Variants in SWAP70 observed in about 807,000 individuals in gnomAD.
SWAP70 encodes switch-associated protein 70.
In SWAP70, 34 loss-of-function variants were observed where a neutral mutation model predicts 80.2. The ratio of observed to expected loss-of-function variants is 0.42; its 90% CI spans 0.32 to 0.56. The LOEUF is 0.56. Ranked by LOEUF, SWAP70 falls within the 20% of genes least tolerant of loss-of-function variation. SWAP70 has a pLI of 0.09. For synonymous variants in SWAP70, 239 were observed against 238.5 expected (o/e 1.00, Z -0.02); for missense variants, 578 against 690.7 (o/e 0.84, Z 1.83).
chr11:9,675,394 AG>A (rs1565111769), intron 1 of SWAP70, among the ~76,000 whole-genome samples: 12 of 113,696 alleles, frequency 1.1e-4, no homozygotes, highest in African/African-American at 4.3e-4. Context: ...AGAGAGAGAG[AG>A]AGAGAGAGAG....
At chr11:9,745,218 T>C (rs549592665) in intron 9 of SWAP70, among the ~76,000 whole-genome samples, 1 of 152,348 alleles carries the variant, frequency 6.6e-6, no homozygotes, top group African/African-American at 2.4e-5. Context: ...CTTTTAGCTG[T>C]GTAACTTGAG....
At chr11:9,671,786 T>TAAATATATTATA (rs202131469) in intron 1 of SWAP70, among the ~76,000 whole-genome samples, 1 of 76,684 alleles carries the variant, frequency 1.3e-5, no homozygotes, top group Non-Finnish European at 2.2e-5. Flanking sequence ...TAATATATTA[T>TAAATATATTATA]TATTTATAAA....
intron 1 of SWAP70, among the ~76,000 whole-genome samples, 192 bp downstream of exon 1, chr11:9,664,470 G>A (rs1850284684): frequency 2.0e-5 from 3 of 152,256 alleles, no homozygotes; most frequent in African/African-American, 7.2e-5. Flanking sequence ...TTGCCTTCGG[G>A]CCATGCCCTC....
Position 9,729,345 on chromosome 11 carries a change from CT to C in SWAP70, c.794del (p.Leu265CysfsTer13). On this transcript the variant is annotated frameshift_variant, in exon 6 of 12. Transcript: ENST00000318950. LOFTEE classifies it high-confidence loss of function. The stretch of plus-strand genomic sequence containing the variant: ...ACTAATTTTGCTTTCTGTTTTAGTC[CT>C]TGCCTGACAAAGATGGAAAGAAATG... ...LLDENCCVES[L>X]PDKDGKKCLF... The C allele has an allele frequency of 6.2e-7, 1 of 1,609,624 alleles. No individual in the cohort carries two copies.
chr11:9,744,531 A>AT (rs1485237279), intron 9 of SWAP70, among the ~76,000 whole-genome samples: 1 of 152,128 alleles, frequency 6.6e-6, no homozygotes, highest in African/African-American at 2.4e-5. Flanking sequence ...TATGAAGTTT[A>AT]TTTTTTTATG....
intron 9 of SWAP70, among the ~76,000 whole-genome samples, chr11:9,744,257 T>G (rs1851482310): frequency 6.6e-6 from 1 of 152,206 alleles, no homozygotes; most frequent in Non-Finnish European, 1.5e-5. Flanking sequence ...CCACTGCACC[T>G]GGCCAGATCT....
intron 3 of SWAP70, chr11:9,720,163 G>A: frequency 1.0e-6 from 1 of 985,182 alleles, no homozygotes; most frequent in Non-Finnish European, 1.2e-6. Context: ...TCTCTCCTTG[G>A]CCCAATATAA....
intron 1 of SWAP70, among the ~76,000 whole-genome samples, chr11:9,683,094 AG>A (rs1850587912): frequency 1.3e-5 from 2 of 152,208 alleles, no homozygotes; most frequent in South Asian, 4.1e-4. Context: ...TTACCTTTGA[AG>A]AACTTAGAAA....
At chr11:9,712,843 T>C (rs752875145) in intron 2 of SWAP70, among the ~76,000 whole-genome samples, 1 of 151,438 alleles carries the variant, frequency 6.6e-6, no homozygotes, top group Non-Finnish European at 1.5e-5. Flanking sequence ...GGTTCAGGCA[T>C]GCGCCACCAC....
intron 7 of SWAP70, 110 bp from the exon 8 acceptor site, chr11:9,738,103 A>G: frequency 1.7e-6 from 1 of 591,972 alleles, no homozygotes; most frequent in Non-Finnish European, 2.8e-6. Context: ...TCTTTATTGA[A>G]TGTTAAGAAT....
intron 1 of SWAP70, among the ~76,000 whole-genome samples, chr11:9,672,499 G>C (rs1850431450): frequency 2.0e-5 from 3 of 149,038 alleles, no homozygotes; most frequent in South Asian, 4.2e-4. Context: ...GAGTAGCTGG[G>C]ACTACGGGTG....
intron 6 of SWAP70, among the ~76,000 whole-genome samples, chr11:9,730,934 A>G (rs766392232): frequency 1.3e-5 from 2 of 151,964 alleles, no homozygotes; most frequent in Non-Finnish European, 2.9e-5. Context: ...CCCCGTCTCT[A>G]CCTCCCGTCC....
intron 2 of SWAP70, 86 bp downstream of exon 2, chr11:9,694,372 C>T (rs1850730084): frequency 1.2e-5 from 17 of 1,395,772 alleles, no homozygotes; most frequent in Non-Finnish European, 1.5e-5. Flanking sequence ...GGTGAGTTCA[C>T]TAAGGAGTTG....
chr11:9,723,771 CTTTT>C (rs34551025), intron 3 of SWAP70, among the ~76,000 whole-genome samples: 1,272 of 124,588 alleles, frequency 0.01, 7 homozygotes, highest in African/African-American at 0.017. Context: ...TCCTTCTTTA[CTTTT>C]TTTTTTTTTT....
chr11:9,679,792 C>T (rs1288484582), intron 1 of SWAP70, among the ~76,000 whole-genome samples: 1 of 152,140 alleles, frequency 6.6e-6, no homozygotes, highest in Admixed American at 6.5e-5. Context: ...CCTTAGCCTC[C>T]TGAGTAGCTG....
intron 9 of SWAP70, among the ~76,000 whole-genome samples, chr11:9,743,892 AAG>A (rs1350674242): frequency 2.6e-5 from 4 of 152,304 alleles, no homozygotes; most frequent in Middle Eastern, 3.4e-3. Context: ...CTTAAAAAAA[AAG>A]AGAAACTTTT....
In SWAP70 at chr11:9,750,276, G is replaced by T. The variant is rs1851569358; in HGVS notation, c.*306G>T. The T allele has an allele frequency of 4.6e-6, 1 of 215,890 alleles. No homozygotes were observed. Among genetic ancestry groups the T allele is most frequent in the Admixed American group, 5.1e-5 (1 of 19,752 alleles). 13.4% of individuals were successfully genotyped at this position (215,890 alleles called of 1,614,324 possible). On this transcript the variant is annotated 3_prime_UTR_variant, in exon 12 of 12. Transcript: ENST00000318950. Reference sequence around the variant, plus strand: ...GAATCACTTGAACGTGGGAGGCGGAGGTTGCAGCGAGCTGAGATCATGCCG... The same window carrying T: ...GAATCACTTGAACGTGGGAGGCGGATGTTGCAGCGAGCTGAGATCATGCCG...
chr11:9,741,048 A>G (rs143962040), intron 9 of SWAP70: 1 of 153,252 alleles, frequency 6.5e-6, no homozygotes, highest in African/African-American at 2.4e-5. Context: ...GGGATGGGAG[A>G]CAACACTAAA....
At chr11:9,695,059 C>A (rs1470194904) in intron 2 of SWAP70, among the ~76,000 whole-genome samples, 1 of 152,074 alleles carries the variant, frequency 6.6e-6, no homozygotes, top group Non-Finnish European at 1.5e-5. Flanking sequence ...GAGGCCGAGG[C>A]GGGCAGATCA....
Sources: gnomAD v4.1 joint callset for allele counts (sites outside exome capture counted in the v4.1 genomes callset) on GRCh38, gnomAD v4.1.1 for gene constraint, MANE v1.5 for transcripts, NCBI Gene and HGNC (gene_info 2026-07-23, HGNC 2026-07-21) for gene names.